NCAM1: variants seen among roughly 807,000 people sequenced by gnomAD.
The protein encoded by NCAM1 is antigen recognized by monoclonal antibody 5.1H11.
A neutral mutation model predicts 109.8 loss-of-function variants in NCAM1; 14 were observed. The ratio of observed to expected loss-of-function variants is 0.13; its 90% CI spans 0.08 to 0.20. The LOEUF is 0.20. NCAM1 is among the 10% of genes least tolerant of loss of function. The pLI is 1.00. For synonymous variants in NCAM1, 418 were observed against 442.9 expected (o/e 0.94, Z 0.70); for missense variants, 774 against 1,109.9 (o/e 0.70, Z 4.30).
chr11:112,981,201 T>C (rs918643392), intron 1 of NCAM1, among the ~76,000 whole-genome samples: 16 of 151,872 alleles, frequency 1.1e-4, no homozygotes, highest in Non-Finnish European at 2.1e-4. Flanking sequence ...TCATTCATTC[T>C]CTGTGCATAG....
chr11:113,030,807 A>C (rs1447274610), intron 1 of NCAM1, among the ~76,000 whole-genome samples: 3 of 152,230 alleles, frequency 2.0e-5, no homozygotes, highest in Non-Finnish European at 4.4e-5. Flanking sequence ...GTAGGATATG[A>C]GAATAAATAA....
chr11:113,238,226 C>A (rs1290450323), intron 14 of NCAM1, among the ~76,000 whole-genome samples: 2 of 152,120 alleles, frequency 1.3e-5, no homozygotes, highest in South Asian at 4.1e-4. Flanking sequence ...GTTAGTGGTA[C>A]AGAAAGTCAG....
rs1183423872 is a variant in NCAM1 at position 113,233,541 on chromosome 11, A to G, written c.1693+224A>G. ...TGACCCTTCCAGTATGGATGAAGGC[A>G]TCTGTACCACATTCCAGGCAGGAAC... On this transcript the variant is annotated intron_variant, in intron 13 of 19. Transcript: ENST00000316851. The surrounding 1 kb of genome is among the most constrained non-coding windows in gnomAD (Gnocchi z 4.5). Among the ~76,000 whole-genome samples, 1 of 152,186 alleles carries G rather than the reference A, an allele frequency of 6.6e-6. No individual in the cohort carries two copies. The highest frequency in any genetic ancestry group is 2.4e-5 in the African/African-American group (1 of 41,442).
intron 1 of NCAM1, among the ~76,000 whole-genome samples, chr11:113,131,147 T>A (rs1555098243): frequency 6.6e-6 from 1 of 152,212 alleles, no homozygotes; most frequent in East Asian, 1.9e-4. Context: ...ATCCAAGATA[T>A]TCCAGCTGCT....
intron 14 of NCAM1, among the ~76,000 whole-genome samples, chr11:113,243,145 A>G (rs1945385978): frequency 6.6e-6 from 1 of 152,232 alleles, no homozygotes; most frequent in Non-Finnish European, 1.5e-5. Flanking sequence ...CCCTGAGGAC[A>G]CAAAAGAACA....
At chr11:113,272,368 TCTTATGGG>T (rs1555125633) in intron 19 of NCAM1, among the ~76,000 whole-genome samples, 2 of 152,016 alleles carry the variant, frequency 1.3e-5, no homozygotes, top group East Asian at 1.9e-4. Context: ...CTGTCAAGGA[TCTTATGGG>T]CTTAAAGGGA....
chr11:113,203,938 C>T (rs1944153650), intron 2 of NCAM1, among the ~76,000 whole-genome samples: 1 of 152,180 alleles, frequency 6.6e-6, no homozygotes, highest in Non-Finnish European at 1.5e-5. Context: ...CTTGGTTACC[C>T]GTTGTGTGAG....
At chr11:112,978,541 T>A (rs1951067808) in intron 1 of NCAM1, among the ~76,000 whole-genome samples, 1 of 151,846 alleles carries the variant, frequency 6.6e-6, no homozygotes, top group South Asian at 2.1e-4. Flanking sequence ...TAAGATGAGC[T>A]ACTTATAATG....
chr11:113,075,131 A>G (rs1398303545), intron 1 of NCAM1, among the ~76,000 whole-genome samples: 1 of 152,038 alleles, frequency 6.6e-6, no homozygotes, highest in African/African-American at 2.4e-5. Context: ...CAGTGGCACA[A>G]TCATGGCTCA....
At chr11:113,152,625 A>G (rs1421210215) in intron 1 of NCAM1, among the ~76,000 whole-genome samples, 3 of 152,224 alleles carry the variant, frequency 2.0e-5, no homozygotes, top group African/African-American at 7.2e-5. Context: ...TGGCTCAGAT[A>G]TAGGAACATG....
rs1945149386 is a variant in NCAM1, at chr11:113,235,782, G to A, written c.1825+618G>A. Reference sequence around the variant, plus strand: ...AATTGCTTCCCCCTGATTCCACTCAGGGATGTATCTCTAGGTTTTCCTCGG... The same window carrying A: ...AATTGCTTCCCCCTGATTCCACTCAAGGATGTATCTCTAGGTTTTCCTCGG... On this transcript the variant is annotated intron_variant, in intron 14 of 19. Coordinates refer to ENST00000316851, the MANE Select transcript of NCAM1 (RefSeq NM_181351.5). Among the ~76,000 whole-genome samples, 2 of 152,146 alleles carry A rather than the reference G, an allele frequency of 1.3e-5. 1 individual carries two copies. The highest frequency in any genetic ancestry group is 4.1e-4 in the South Asian group (2 of 4,830).
intron 1 of NCAM1, among the ~76,000 whole-genome samples, chr11:113,059,351 C>G (rs1444254970): frequency 6.6e-6 from 1 of 152,216 alleles, no homozygotes; most frequent in Non-Finnish European, 1.5e-5. Context: ...CTTAAAACAG[C>G]TGCCTTCTTT....
At chr11:112,983,227 G>A (rs1951200205) in intron 1 of NCAM1, among the ~76,000 whole-genome samples, 1 of 151,878 alleles carries the variant, frequency 6.6e-6, no homozygotes, top group South Asian at 2.1e-4. Flanking sequence ...CCAATTTCTT[G>A]TTGGGGTTTT....
At chr11:113,095,178 G>T (rs1449989266) in intron 1 of NCAM1, among the ~76,000 whole-genome samples, 1 of 152,124 alleles carries the variant, frequency 6.6e-6, no homozygotes, top group African/African-American at 2.4e-5. Flanking sequence ...CAGTATAGCT[G>T]ATCCATCATA....
chr11:112,986,017 T>C (rs145916233), intron 1 of NCAM1, among the ~76,000 whole-genome samples: 151 of 152,134 alleles, frequency 9.9e-4, no homozygotes, highest in Middle Eastern at 3.4e-3. Context: ...TTTCAACTTT[T>C]TAAGGTTAAG....
At chr11:113,012,003 CCTTCCTTCCTTT>C (rs1272319872) in intron 1 of NCAM1, among the ~76,000 whole-genome samples, 5 of 134,220 alleles carry the variant, frequency 3.7e-5, no homozygotes, top group Non-Finnish European at 6.6e-5. Context: ...TTCCTTCCTT[CCTTCCTTCCTTT>C]CTTTCCTCTT....
rs781829964 is a variant in NCAM1, at chr11:113,172,816, G to A, written c.53-29563G>A. ...TTCTAAGTGCTGCATTGTCTATTTC[G>A]TTTGCCTTTTACAAGTCTGACTGTT... On this transcript the variant is annotated intron_variant, in intron 1 of 19. Coordinates refer to ENST00000316851, the MANE Select transcript of NCAM1 (RefSeq NM_181351.5). Among the ~76,000 whole-genome samples the A allele has an allele frequency of 2.0e-4, 30 of 151,840 alleles. 1 individual carries two copies. The highest frequency in any genetic ancestry group is 1.2e-3 in the South Asian group (6 of 4,806).
intron 1 of NCAM1, among the ~76,000 whole-genome samples, chr11:112,968,395 A>G (rs1419060692): frequency 6.6e-6 from 1 of 152,210 alleles, no homozygotes; most frequent in Admixed American, 6.5e-5. Context: ...GGCATATGAT[A>G]TTGGAGAGGA....
intron 1 of NCAM1, among the ~76,000 whole-genome samples, chr11:113,038,205 C>T (rs575372294): frequency 4.5e-4 from 68 of 152,168 alleles, no homozygotes; most frequent in Non-Finnish European, 9.1e-4. Flanking sequence ...TTCGAATTAT[C>T]GCTCACTAAT....
Sources: gnomAD v4.1 joint callset for allele counts (sites outside exome capture counted in the v4.1 genomes callset) on GRCh38, gnomAD v4.1.1 for gene constraint, Gnocchi (gnomAD v3.1) non-coding constraint, MANE v1.5 for transcripts, NCBI Gene and HGNC (gene_info 2026-07-23, HGNC 2026-07-21) for gene names.